The following CNNM3 variants were observed in gnomAD, a reference collection of about 807,000 sequenced individuals.
CNNM3 encodes the protein metal transporter CNNM3.
In CNNM3, 47 loss-of-function variants were observed where a neutral mutation model predicts 57.1. That is an observed-to-expected ratio of 0.82 (90% CI 0.65 to 1.05). CNNM3 has a LOEUF of 1.05. Among genes scored for constraint, CNNM3 ranks in the 50% least tolerant of loss-of-function variants. CNNM3 has a pLI of 0.00. For synonymous variants in CNNM3, 507 were observed against 478.2 expected (o/e 1.06, Z -0.79); for missense variants, 957 against 973.7 (o/e 0.98, Z 0.23).
intron 1 of CNNM3, among the ~76,000 whole-genome samples, chr2:96,824,182 C>T (rs1559010070): frequency 6.6e-6 from 1 of 152,082 alleles, no homozygotes. Flanking sequence ...ATTCCTGAAG[C>T]CTCCCCAGCA....
In CNNM3 at chr2:96,816,367, C is replaced by G. The variant is rs370611199; in HGVS notation, c.90C>G (p.Gly30=). 2,761 of 1,325,438 alleles carry G rather than the reference C, an allele frequency of 2.1e-3. 5 individuals carry two copies. Among genetic ancestry groups the G allele is most frequent in the Non-Finnish European group, 2.4e-3 (2,441 of 1,037,332 alleles). 82.1% of individuals were successfully genotyped at this position (1,325,438 alleles called of 1,614,324 possible). A position where few individuals can be genotyped will look rare whatever the true frequency, so the allele number is the denominator to read the frequency against. ...LGNAAGEAAP[G]PRVLGFCLEE... ...ACGCCGCGGGGGAGGCCGCGCCGGG[C>G]CCGCGAGTGCTGGGCTTCTGCCTGG... is the stretch of plus-strand genomic sequence containing the variant. Residue 30 remains glycine, a synonymous_variant, in exon 1 of 8, where the codon GGC becomes GGG. Transcript: ENST00000305510.
Position 96,834,560 on chromosome 2 carries a change from G to A in CNNM3, c.*1944G>A, listed in dbSNP as rs921976363. Among the ~76,000 whole-genome samples the A allele has an allele frequency of 2.6e-5, 4 of 151,544 alleles. No homozygotes were observed. Among genetic ancestry groups the A allele is most frequent in the African/African-American group, 4.9e-5 (2 of 41,196 alleles). On this transcript the variant is annotated 3_prime_UTR_variant, in exon 8 of 8. Transcript: ENST00000305510. ...GATAGGGTCTCATTATGTTGCCTGGGGTAGTCTCGAACTCCTAGGCTCAAG... is the reference window on the plus strand; with the variant it reads ...GATAGGGTCTCATTATGTTGCCTGGAGTAGTCTCGAACTCCTAGGCTCAAG...
At chr2:96,832,116 T>G in intron 7 of CNNM3, 1 of 997,192 alleles carries the variant, frequency 1.0e-6, no homozygotes, top group Non-Finnish European at 1.2e-6. Context: ...TTCCTGGCCC[T>G]TCAGCTGAGG....
intron 1 of CNNM3, 173 bp from the exon 2 acceptor site, chr2:96,824,885 A>G (rs1443892559): frequency 4.4e-6 from 3 of 687,326 alleles, no homozygotes; most frequent in East Asian, 2.7e-5. Context: ...GCCAGTTCTC[A>G]TAATCACGCT....
chr2:96,828,989 C>T lies in CNNM3; in HGVS notation c.1921-7C>T, dbSNP rs781707117. The T allele has an allele frequency of 5.0e-6, 8 of 1,613,344 alleles. No individual in the cohort carries two copies. Among genetic ancestry groups the T allele is most frequent in the East Asian group, 2.2e-5 (1 of 44,860 alleles). ...AATTGGGTCCCAGTAACGCTGTCATCCTCCAGGTTACGCGACTGCAGTACC... is the reference window on the plus strand; with the variant it reads ...AATTGGGTCCCAGTAACGCTGTCATTCTCCAGGTTACGCGACTGCAGTACC... On this transcript the variant is annotated splice_region_variant and splice_polypyrimidine_tract_variant and intron_variant, in intron 6 of 7. Coordinates refer to ENST00000305510, the MANE Select transcript of CNNM3 (RefSeq NM_017623.5).
chr2:96,824,387 C>T (rs1213567171), intron 1 of CNNM3: 1 of 153,438 alleles, frequency 6.5e-6, no homozygotes, highest in African/African-American at 2.4e-5. Context: ...GTTGACAGCC[C>T]CTAATGGGCA....
At chr2:96,829,182 G>A (rs755441003) in intron 7 of CNNM3, 48 bp downstream of exon 7, 29 of 1,593,524 alleles carry the variant, frequency 1.8e-5, no homozygotes, top group Middle Eastern at 1.7e-4. Flanking sequence ...CCTGAGGGCC[G>A]TGAGCTCACA....
In CNNM3 at chr2:96,828,611, C is replaced by T. The variant is rs1417017922; in HGVS notation, c.1831C>T (p.Leu611=). The T allele has an allele frequency of 6.2e-7, 1 of 1,614,236 alleles. No homozygotes were observed. The highest frequency in any genetic ancestry group is 1.3e-5 in the African/African-American group (1 of 75,074). Residue 611 remains leucine (L), a synonymous_variant, in exon 6 of 8, where the codon CTG becomes TTG. Coordinates refer to ENST00000305510, the MANE Select transcript of CNNM3 (RefSeq NM_017623.5). ...CTCGCTCCAGCCCATCCGCCATGAC[C>T]TGCAGCCCGACCCAGGTGACGGCAC... is the stretch of plus-strand genomic sequence containing the variant. ...VSSLQPIRHD[L]QPDPGDGTHS...
intron 2 of CNNM3, among the ~76,000 whole-genome samples, chr2:96,826,161 A>G (rs2079500317): frequency 6.6e-6 from 1 of 152,162 alleles, no homozygotes; most frequent in African/African-American, 2.4e-5. Context: ...CCTTGAATAC[A>G]TGCTTTATAG....
At chr2:96,830,938 T>A (rs1006866198) in intron 7 of CNNM3, among the ~76,000 whole-genome samples, 1 of 152,200 alleles carries the variant, frequency 6.6e-6, no homozygotes, top group Non-Finnish European at 1.5e-5. Flanking sequence ...GCCAAGGTTT[T>A]AAAAATGGGA....
intron 7 of CNNM3, among the ~76,000 whole-genome samples, chr2:96,829,875 C>G (rs1230974804): frequency 6.6e-6 from 1 of 152,072 alleles, no homozygotes; most frequent in African/African-American, 2.4e-5. Flanking sequence ...GGGTGTGTGG[C>G]TGGCAGACAC....
At chr2:96,827,060 G>A (rs2079520202) in intron 3 of CNNM3, 78 bp downstream of exon 3, 2 of 1,510,620 alleles carry the variant, frequency 1.3e-6, no homozygotes, top group Non-Finnish European at 1.8e-6. Context: ...GGCCGACACT[G>A]ACTCTGCTCC....
chr2:96,820,013 G>C (rs1261971321), intron 1 of CNNM3, among the ~76,000 whole-genome samples: 3 of 152,108 alleles, frequency 2.0e-5, no homozygotes, highest in Admixed American at 6.5e-5. Flanking sequence ...GTCCCCTGGC[G>C]GGGGGGCTTG....
intron 1 of CNNM3, among the ~76,000 whole-genome samples, chr2:96,822,008 T>TTATTATTA (rs1421579723): frequency 1.4e-5 from 2 of 142,400 alleles, no homozygotes; most frequent in Non-Finnish European, 3.0e-5. Context: ...TATTATTATT[T>TTATTATTA]TTTTTTTTTT....
intron 1 of CNNM3, 93 bp downstream of exon 1, chr2:96,817,595 C>A: frequency 7.7e-7 from 1 of 1,300,550 alleles, no homozygotes; most frequent in Non-Finnish European, 1.1e-6. Flanking sequence ...GGAAAGGGTC[C>A]CACCCCTGTG....
chr2:96,828,515 G>T lies in CNNM3; in HGVS notation c.1787-52G>T. ...TACAGTTGTCCCCACCAGGGGAGGA[G>T]GCTCCCAGCTGCCAGCATGGCTCCT... On this transcript the variant is annotated intron_variant, in intron 5 of 7. Coordinates refer to ENST00000305510, the MANE Select transcript of CNNM3 (RefSeq NM_017623.5). 4 of 1,610,400 alleles carry T rather than the reference G, an allele frequency of 2.5e-6. No individual in the cohort carries two copies. The South Asian group carries it at 4.4e-5, about 18-fold the overall frequency.
At position 96,834,463 on chromosome 2, in the gene CNNM3, G is replaced by C. The variant is rs576324533; in HGVS notation, c.*1847G>C. Among the ~76,000 whole-genome samples the C allele has an allele frequency of 6.6e-6, 1 of 151,822 alleles. No homozygotes were observed. Among genetic ancestry groups the C allele is most frequent in the Admixed American group, 6.6e-5 (1 of 15,240 alleles). On this transcript the variant is annotated 3_prime_UTR_variant, in exon 8 of 8. Transcript: ENST00000305510. Reference sequence around the variant, plus strand: ...TGGTTCAGGCCATCCTGCCACCTCAGCCTCCTGAGTAGTAGGGACTACAGG... The same window carrying C: ...TGGTTCAGGCCATCCTGCCACCTCACCCTCCTGAGTAGTAGGGACTACAGG...
intron 1 of CNNM3, among the ~76,000 whole-genome samples, chr2:96,820,458 C>G (rs2079389315): frequency 6.6e-6 from 1 of 152,146 alleles, no homozygotes; most frequent in Non-Finnish European, 1.5e-5. Flanking sequence ...TCTCTCAAGT[C>G]ATGGGAGGGA....
At chr2:96,821,007 A>G (rs1365213048) in intron 1 of CNNM3, among the ~76,000 whole-genome samples, 1 of 152,112 alleles carries the variant, frequency 6.6e-6, no homozygotes, top group African/African-American at 2.4e-5. Flanking sequence ...TCTGCTTGAA[A>G]CAGACCTTTC....
Sources: gnomAD v4.1 joint callset for allele counts (sites outside exome capture counted in the v4.1 genomes callset) on GRCh38, gnomAD v4.1.1 for gene constraint, MANE v1.5 for transcripts, NCBI Gene and HGNC (gene_info 2026-07-23, HGNC 2026-07-21) for gene names.